SLC26A5: variants seen among roughly 807,000 people sequenced by gnomAD.
The protein encoded by SLC26A5 is prestin.
SLC26A5 carries 51 observed loss-of-function variants against 81.0 expected under a neutral mutation model. The ratio of observed to expected loss-of-function variants is 0.63; its 90% CI spans 0.50 to 0.80. The LOEUF (loss-of-function observed/expected upper bound fraction) is 0.80. Ranked by LOEUF, SLC26A5 falls within the 30% of genes least tolerant of loss-of-function variation. The pLI, the probability that SLC26A5 is intolerant of heterozygous loss-of-function variation, is 0.00. For synonymous variants in SLC26A5, 325 were observed against 332.8 expected, an observed-to-expected ratio of 0.98 and a Z score of 0.25; for missense variants, 771 against 905.8, an observed-to-expected ratio of 0.85 and a Z score of 1.91.
chr7:103,433,262 T>C (rs1276076358), intron 2 of SLC26A5, among the ~76,000 whole-genome samples: 1 of 152,212 alleles, frequency 6.6e-6, no homozygotes. Flanking sequence ...TTGGGCTGCA[T>C]GTAGGATTTC....
chr7:103,378,368 A>G (rs1821512102), intron 17 of SLC26A5, 78 bp downstream of exon 17: 1 of 1,392,820 alleles, frequency 7.2e-7, no homozygotes, highest in Non-Finnish European at 1.0e-6. Flanking sequence ...TGCTGTGTTT[A>G]AACTTCAGTC....
chr7:103,377,678 C>T lies in SLC26A5; in HGVS notation c.1907G>A (p.Gly636Glu), dbSNP rs567507062. The T allele has an allele frequency of 9.3e-6, 15 of 1,614,020 alleles. No homozygotes were observed. In the East Asian group the frequency reaches 1.8e-4, roughly 19 times the overall value. The part of the protein sequence containing the change: ...PEEMQRFMPP[G>E]DNVHTVILDF... ...CAAAATGACAGTGTGGACGTTATCCCCTGGGGGCATAAATCTTTGCATTTC... is the reference window on the plus strand; with the variant it reads ...CAAAATGACAGTGTGGACGTTATCCTCTGGGGGCATAAATCTTTGCATTTC... The change falls in exon 18 of 20, where the codon GGG becomes GAG. Residue 636 changes from glycine (G) to glutamate (E), a missense_variant. By Grantham distance (98) the Gly-to-Glu change is moderately conservative. Coordinates refer to ENST00000306312, the MANE Select transcript of SLC26A5 (RefSeq NM_198999.3).
chr7:103,364,737 G>A (rs547080946), intron 19 of SLC26A5, among the ~76,000 whole-genome samples: 1 of 152,082 alleles, frequency 6.6e-6, no homozygotes, highest in South Asian at 2.1e-4. Context: ...ATTGTAATTA[G>A]TAGTTTAGAA....
chr7:103,356,526 G>A (rs1043187672), intron 19 of SLC26A5, among the ~76,000 whole-genome samples: 1 of 152,146 alleles, frequency 6.6e-6, no homozygotes, highest in African/African-American at 2.4e-5. Context: ...TTACACTTTT[G>A]CCATTTGAGG....
At chr7:103,433,414 G>A (rs117425319) in intron 2 of SLC26A5, 4,913 of 152,008 alleles carry the variant, frequency 0.032, 138 homozygotes, top group Non-Finnish European at 0.044. Flanking sequence ...AGTCAGCTTC[G>A]CCCTCTGTGT....
intron 19 of SLC26A5, among the ~76,000 whole-genome samples, chr7:103,360,522 T>C (rs1449368250): frequency 6.6e-6 from 1 of 152,206 alleles, no homozygotes; most frequent in Non-Finnish European, 1.5e-5. Context: ...GCCTCCTCAG[T>C]AGCTGGGACT....
Position 103,367,600 on chromosome 7 carries a change from C to T in SLC26A5, c.2041+9208G>A, listed in dbSNP as rs766850758. On this transcript the variant is annotated intron_variant, in intron 19 of 19. Transcript: ENST00000339444. The surrounding 1 kb of genome is among the most constrained non-coding windows in gnomAD (Gnocchi z 6.1). ...GATTGGATAGAAAAATTGAATTTAGCTTGCCCGATCTAGAGGTAAGAAAAC... is the reference window on the plus strand; with the variant it reads ...GATTGGATAGAAAAATTGAATTTAGTTTGCCCGATCTAGAGGTAAGAAAAC... 5 of 1,614,114 alleles carry T rather than the reference C, an allele frequency of 3.1e-6. No individual in the cohort carries two copies. In the South Asian group the frequency reaches 5.5e-5, roughly 18 times the overall value.
intron 19 of SLC26A5, chr7:103,355,637 C>CTTA (rs1159079222): frequency 7.6e-7 from 1 of 1,317,522 alleles, no homozygotes; most frequent in Non-Finnish European, 1.1e-6. Context: ...GTTTAGAAAG[C>CTTA]TTATTATAGG....
intron 2 of SLC26A5, among the ~76,000 whole-genome samples, chr7:103,424,997 G>A (rs1825615889): frequency 2.0e-5 from 3 of 152,162 alleles, no homozygotes; most frequent in Admixed American, 6.5e-5. Context: ...GCAACAGAAT[G>A]GTTTACACTG....
At position 103,421,586 on chromosome 7, in the gene SLC26A5, A is replaced by G; in HGVS notation, c.-53-19T>C. ...AGTGTCACTAGGGGAAAAAAGAAAA[A>G]CTCCATTTTACTTGCCAAAATCCTA... On this transcript the variant is annotated intron_variant, in intron 2 of 19. Coordinates refer to ENST00000306312, the MANE Select transcript of SLC26A5 (RefSeq NM_198999.3). The G allele has an allele frequency of 2.6e-6, 4 of 1,510,184 alleles. No homozygotes were observed. The highest frequency in any genetic ancestry group is 3.7e-6 in the Non-Finnish European group (4 of 1,093,774). The allele number at this position is 1,510,184 out of a possible 1,614,324, so 93.5% of individuals were successfully genotyped here. A position where few individuals can be genotyped will look rare whatever the true frequency, so the allele number is the denominator to read the frequency against.
chr7:103,403,997 A>G (rs1823821816), intron 8 of SLC26A5, among the ~76,000 whole-genome samples: 1 of 152,164 alleles, frequency 6.6e-6, no homozygotes, highest in South Asian at 2.1e-4. Flanking sequence ...AGCCTGGCCA[A>G]CATGGTGAAA....
intron 6 of SLC26A5, among the ~76,000 whole-genome samples, chr7:103,410,911 G>C (rs989403541): frequency 6.6e-6 from 1 of 152,054 alleles, no homozygotes; most frequent in African/African-American, 2.4e-5. Context: ...TTAAAGGTGT[G>C]AGCCACCGCG....
intron 2 of SLC26A5, among the ~76,000 whole-genome samples, chr7:103,441,558 A>G (rs900142450): frequency 6.6e-6 from 1 of 152,192 alleles, no homozygotes; most frequent in South Asian, 2.1e-4. Flanking sequence ...TTTGGCCACT[A>G]AAGTTCACAT....
intron 8 of SLC26A5, among the ~76,000 whole-genome samples, chr7:103,399,644 A>G (rs1351067526): frequency 6.6e-6 from 1 of 152,146 alleles, no homozygotes; most frequent in Non-Finnish European, 1.5e-5. Context: ...ACATACATAC[A>G]CAAGTGCCAT....
downstream of SLC26A5, among the ~76,000 whole-genome samples, chr7:103,371,064 G>C (rs1752736523): frequency 1.3e-5 from 2 of 152,158 alleles, no homozygotes; most frequent in South Asian, 2.1e-4. Flanking sequence ...CCAGAGACGA[G>C]ACTGTAAGAC....
At chr7:103,435,726 T>C (rs1826402618) in intron 2 of SLC26A5, among the ~76,000 whole-genome samples, 1 of 152,106 alleles carries the variant, frequency 6.6e-6, no homozygotes, top group Non-Finnish European at 1.5e-5. Flanking sequence ...ATACAGGGGG[T>C]TCTTTCTAGG....
intron 19 of SLC26A5, among the ~76,000 whole-genome samples, chr7:103,353,521 G>C (rs1370795149): frequency 6.6e-6 from 1 of 152,124 alleles, no homozygotes. Context: ...TGGCTAGGCT[G>C]GTCTCAAACT....
chr7:103,412,839 C>T (rs1357107997), intron 5 of SLC26A5, among the ~76,000 whole-genome samples, 163 bp downstream of exon 5: 1 of 152,048 alleles, frequency 6.6e-6, no homozygotes, highest in Non-Finnish European at 1.5e-5. Flanking sequence ...GGATGAGCCA[C>T]CGCACCTGGC....
At chr7:103,408,124 C>G in intron 7 of SLC26A5, 121 bp from the exon 8 acceptor site, 1 of 1,341,870 alleles carries the variant, frequency 7.5e-7, no homozygotes, top group Non-Finnish European at 1.0e-6. Flanking sequence ...GTGGAAAGTT[C>G]CAAGGCTGAA....
Sources: gnomAD v4.1 joint callset for allele counts (sites outside exome capture counted in the v4.1 genomes callset) on GRCh38, gnomAD v4.1.1 for gene constraint, Gnocchi (gnomAD v3.1) non-coding constraint, MANE v1.5 for transcripts, NCBI Gene and HGNC (gene_info 2026-07-23, HGNC 2026-07-21) for gene names.